The following PLEKHA6 variants were observed in gnomAD, a reference collection of about 807,000 sequenced individuals.
PLEKHA6 encodes pleckstrin homology domain containing A6.
A neutral mutation model predicts 116.7 loss-of-function variants in PLEKHA6; 60 were observed. The observed-to-expected ratio is 0.51, with a 90% CI of 0.42 to 0.64. The LOEUF is 0.64. Among genes scored for constraint, PLEKHA6 ranks in the 30% least tolerant of loss-of-function variants. PLEKHA6 has a pLI of 0.00. For missense variants in PLEKHA6, 1,338 were observed against 1,422.7 expected (o/e 0.94, Z 0.96); for synonymous variants, 489 against 556.1 (o/e 0.88, Z 1.70).
intron 9 of PLEKHA6, among the ~76,000 whole-genome samples, chr1:204,250,872 C>G (rs1375879967): frequency 6.6e-6 from 1 of 152,164 alleles, no homozygotes; most frequent in Non-Finnish European, 1.5e-5. Context: ...TCTGTATTTC[C>G]TCTCCCCCAA....
At chr1:204,370,092 T>C (rs1673745200) in intron 2 of PLEKHA6, among the ~76,000 whole-genome samples, 1 of 152,198 alleles carries the variant, frequency 6.6e-6, no homozygotes, top group African/African-American at 2.4e-5. Flanking sequence ...TGAGCTCAGA[T>C]CTCTCTGCCT....
At chr1:204,315,146 G>T (rs1174714775) in intron 1 of PLEKHA6, among the ~76,000 whole-genome samples, 2 of 152,154 alleles carry the variant, frequency 1.3e-5, no homozygotes, top group Non-Finnish European at 2.9e-5. Context: ...ACTTGAAATG[G>T]GTGATAAGAG....
intron 1 of PLEKHA6, among the ~76,000 whole-genome samples, chr1:204,376,980 T>C (rs1337651186): frequency 6.6e-6 from 1 of 152,198 alleles, no homozygotes; most frequent in Non-Finnish European, 1.5e-5. Flanking sequence ...ATAACAGTGC[T>C]AATATATTAC....
chr1:204,364,573 G>A (rs1223390957), upstream of PLEKHA6, among the ~76,000 whole-genome samples: 1 of 152,210 alleles, frequency 6.6e-6, no homozygotes, highest in Non-Finnish European at 1.5e-5. Context: ...AGCTCCTAGA[G>A]TGGCGGCTGC....
chr1:204,329,210 T>C (rs1366596198), intron 1 of PLEKHA6, among the ~76,000 whole-genome samples: 1 of 152,222 alleles, frequency 6.6e-6, no homozygotes, highest in East Asian at 1.9e-4. Context: ...TTGGAATGTT[T>C]CAGGCTCTGA....
chr1:204,315,338 C>T (rs565548224), intron 1 of PLEKHA6, among the ~76,000 whole-genome samples: 1 of 152,204 alleles, frequency 6.6e-6, no homozygotes, highest in Admixed American at 6.5e-5. Flanking sequence ...CACTGCGGCA[C>T]GTCCCCACTC....
chr1:204,248,908 G>A lies in PLEKHA6; in HGVS notation c.1737C>T (p.Pro579=), dbSNP rs765461125. Reference sequence around the variant, plus strand: ...TGTGTCGCAGCTTTTCTGGGTAGGCGGGCTGGCTTCCAAACATCTCCAGCT... The same window carrying A: ...TGTGTCGCAGCTTTTCTGGGTAGGCAGGCTGGCTTCCAAACATCTCCAGCT... ...HQELEMFGSQ[P]AYPEKLRHKK... The change falls in exon 12 of 23, where the codon CCC becomes CCT. Residue 579 remains proline, a synonymous_variant. Coordinates refer to ENST00000272203, the MANE Select transcript of PLEKHA6 (RefSeq NM_014935.5). 3.7e-5 allele frequency: 60 copies of A among 1,613,936 alleles called. No individual in the cohort carries two copies. In the Admixed American group the frequency reaches 4.2e-4, roughly 11 times the overall value.
intron 3 of PLEKHA6, among the ~76,000 whole-genome samples, chr1:204,365,013 T>A (rs535144107): frequency 6.6e-6 from 1 of 152,256 alleles, no homozygotes; most frequent in East Asian, 1.9e-4. Flanking sequence ...ACAAGTGTTC[T>A]CAGGTGGGCA....
At chr1:204,245,133 A>C in intron 14 of PLEKHA6, 130 bp from the exon 15 acceptor site, 1 of 621,198 alleles carries the variant, frequency 1.6e-6, no homozygotes, top group Non-Finnish European at 2.6e-6. Context: ...TTAGTGTCTC[A>C]GGGCTACCTG....
chr1:204,267,357 TGAG>T (rs1666944283), intron 5 of PLEKHA6, 115 bp downstream of exon 5: 17 of 799,902 alleles, frequency 2.1e-5, no homozygotes, highest in South Asian at 1.9e-4. Flanking sequence ...AGGACCACAG[TGAG>T]GAGATCTGCC....
At chr1:204,249,599 A>C (rs547522571) in intron 10 of PLEKHA6, among the ~76,000 whole-genome samples, 2 of 152,304 alleles carry the variant, frequency 1.3e-5, no homozygotes, top group South Asian at 4.1e-4. Context: ...GGCTGGACTG[A>C]AGAGGTGGGC....
chr1:204,284,960 T>C (rs986572243), intron 1 of PLEKHA6, among the ~76,000 whole-genome samples: 2 of 152,192 alleles, frequency 1.3e-5, no homozygotes, highest in African/African-American at 4.8e-5. Flanking sequence ...GGGAATACAA[T>C]AAATAGCACT....
intron 14 of PLEKHA6, among the ~76,000 whole-genome samples, chr1:204,245,393 A>T (rs547741062): frequency 6.6e-6 from 1 of 152,174 alleles, no homozygotes; most frequent in East Asian, 1.9e-4. Flanking sequence ...TTAGAGTGTC[A>T]GGGTCAACAG....
At chr1:204,364,954 C>T (rs559079521) in intron 3 of PLEKHA6, among the ~76,000 whole-genome samples, 4 of 152,246 alleles carry the variant, frequency 2.6e-5, no homozygotes, top group African/African-American at 4.8e-5. Context: ...CTACCATACA[C>T]GGACACATCC....
At chr1:204,225,917 C>T (rs1018488398) in intron 21 of PLEKHA6, among the ~76,000 whole-genome samples, 5 of 152,360 alleles carry the variant, frequency 3.3e-5, no homozygotes, top group Non-Finnish European at 5.9e-5. Context: ...CAAAAAATGC[C>T]ATGACTTCCA....
Position 204,248,940 on chromosome 1 carries a change from G to A in PLEKHA6, c.1705C>T (p.His569Tyr), listed in dbSNP as rs372510723. ...CTTCCAAACATCTCCAGCTCCTGGT[G>A]GGTCCCCATCAAGGCACTTTCCAGG... ...ESLESALMGT[H>Y]QELEMFGSQP... Residue 569 changes from histidine (H) to tyrosine (Y), a missense_variant, in exon 12 of 23, where the codon CAC becomes TAC. Coordinates refer to ENST00000272203, the MANE Select transcript of PLEKHA6 (RefSeq NM_014935.5). The A allele has an allele frequency of 1.7e-5, 27 of 1,614,070 alleles. No individual in the cohort carries two copies. Among genetic ancestry groups the A allele is most frequent in the South Asian group, 2.2e-5 (2 of 91,068 alleles).
Position 204,259,444 on chromosome 1 carries a change from T to C in PLEKHA6, c.821A>G (p.Tyr274Cys), listed in dbSNP as rs1451659885. Residue 274 changes from tyrosine to cysteine, a missense_variant, in exon 8 of 23, where the codon TAC (tyrosine) becomes TGC (cysteine). This residue lies in a region of PLEKHA6 where 1,136 missense variants were observed against 1,163.6 expected (regional missense o/e 0.98). Transcript: ENST00000272203. This position sits in a 1 kb window ranked among gnomAD's most constrained non-coding sequence, Gnocchi z 4.6. ...GCTCCCTGGCCGGCTTGGGGAGTGG[T>C]ACTGCCAGCCATTGGGCTGGGCAGG... ...EQPAQPNGWQYHSPSRPGSTA... is the reference protein window; with the variant it reads ...EQPAQPNGWQCHSPSRPGSTA... 13 of 1,614,036 alleles carry C rather than the reference T, an allele frequency of 8.1e-6. No individual in the cohort carries two copies. The highest frequency in any genetic ancestry group is 1.1e-5 in the Non-Finnish European group (13 of 1,180,022).
chr1:204,253,177 C>T (rs948340562), intron 9 of PLEKHA6, among the ~76,000 whole-genome samples: 6 of 152,180 alleles, frequency 3.9e-5, no homozygotes, highest in East Asian at 3.8e-4. Context: ...TCACTCCTTG[C>T]GATGCCTGAC....
chr1:204,314,841 G>A (rs1440557419), intron 1 of PLEKHA6, among the ~76,000 whole-genome samples: 1 of 151,918 alleles, frequency 6.6e-6, no homozygotes, highest in Non-Finnish European at 1.5e-5. Context: ...GGTATTTGGG[G>A]AGTAGGGAAT....
Sources: gnomAD v4.1 joint callset for allele counts (sites outside exome capture counted in the v4.1 genomes callset) on GRCh38, gnomAD v4.1.1 for gene constraint, gnomAD v4.1.1 regional missense constraint, Gnocchi (gnomAD v3.1) non-coding constraint, MANE v1.5 for transcripts, NCBI Gene and HGNC (gene_info 2026-07-23, HGNC 2026-07-21) for gene names.